Variants in WNT5A observed in about 807,000 individuals in gnomAD.
WNT5A encodes protein Wnt-5a.
In WNT5A, 9 loss-of-function variants were observed where a neutral mutation model predicts 42.1. That is an observed-to-expected ratio of 0.21 (90% confidence interval 0.13 to 0.37). The LOEUF (loss-of-function observed/expected upper bound fraction) is 0.37. WNT5A is among the 10% of genes least tolerant of loss of function. The pLI, the probability that WNT5A is intolerant of heterozygous loss-of-function variation, is 1.00. For synonymous variants in WNT5A, 210 were observed against 210.0 expected (o/e 1.00, Z 0.00); for missense variants, 426 against 534.0 (o/e 0.80, Z 1.99).
intron 1 of WNT5A, 106 bp from the exon 2 acceptor site, chr3:55,481,024 T>C: frequency 8.5e-7 from 1 of 1,182,194 alleles, no homozygotes; most frequent in Non-Finnish European, 1.1e-6. Context: ...TTACTGTTGA[T>C]TGACTGCGCT....
At position 55,486,988 on chromosome 3, in the gene WNT5A, C is replaced by A. The variant is rs1392357332; in HGVS notation, c.-3G>T. On this transcript the variant is annotated 5_prime_UTR_variant, in exon 1 of 5. Coordinates refer to ENST00000264634, the MANE Select transcript of WNT5A (RefSeq NM_003392.7). ...GCGCACTGAACACCTACCTTCATGG[C>A]GAGGGGGAGGGGGCGCGGGGAGGAA... The A allele has an allele frequency of 6.3e-7, 1 of 1,593,112 alleles. No homozygotes were observed. Among genetic ancestry groups the A allele is most frequent in the Non-Finnish European group, 8.6e-7 (1 of 1,168,164 alleles).
chr3:55,502,184 G>C, the WNT5A span, among the ~76,000 whole-genome samples: 3 of 152,062 alleles, frequency 2.0e-5, no homozygotes, highest in African/African-American at 7.2e-5. Context: ...AGGAGATTTG[G>C]GACTGGTCAC....
At chr3:55,472,558 T>C (rs2051273452) in intron 4 of WNT5A, among the ~76,000 whole-genome samples, 1 of 152,078 alleles carries the variant, frequency 6.6e-6, no homozygotes, top group Admixed American at 6.5e-5. Flanking sequence ...CAAATTTTCA[T>C]GTGGCTCTGG....
upstream of WNT5A, chr3:55,487,845 T>C (rs550975078): frequency 6.6e-6 from 1 of 152,104 alleles, no homozygotes; most frequent in African/African-American, 2.4e-5. Context: ...GGGAGCAAAA[T>C]AGGTGAAAGT....
At chr3:55,489,413 T>C (rs1042633988), upstream of WNT5A, 2 of 152,748 alleles carry the variant, frequency 1.3e-5, no homozygotes, top group East Asian at 1.9e-4. Flanking sequence ...GCTGTTTTGT[T>C]TTGTTCCTCC....
At chr3:55,477,502 G>A (rs1478840233) in intron 3 of WNT5A, among the ~76,000 whole-genome samples, 13 of 152,206 alleles carry the variant, frequency 8.5e-5, no homozygotes. Context: ...CTGTCTCAGA[G>A]GGTGTGGAGA....
chr3:55,483,113 A>T lies in WNT5A; in HGVS notation c.7-2195T>A, dbSNP rs911249073. 6.6e-6 allele frequency among the ~76,000 whole-genome samples: 1 copy of T among 152,186 alleles called. No homozygotes were observed. Among genetic ancestry groups the T allele is most frequent in the African/African-American group, 2.4e-5 (1 of 41,436 alleles). ...CTCTTTGTTAGAGCCGAAGCCACAC[A>T]AACCGAACCCACTCCCAGCCCGAAG... On this transcript the variant is annotated intron_variant, in intron 1 of 4. Coordinates refer to ENST00000264634, the MANE Select transcript of WNT5A (RefSeq NM_003392.7). This position sits in a 1 kb window ranked among gnomAD's most constrained non-coding sequence, Gnocchi z 4.2.
the WNT5A span, among the ~76,000 whole-genome samples, chr3:55,503,483 T>A: frequency 6.6e-6 from 1 of 152,032 alleles, no homozygotes; most frequent in Non-Finnish European, 1.5e-5. Context: ...TGCTGTGGAG[T>A]CAGGATTTTA....
the WNT5A span, among the ~76,000 whole-genome samples, chr3:55,501,226 C>G: frequency 6.6e-6 from 1 of 152,200 alleles, no homozygotes; most frequent in Non-Finnish European, 1.5e-5. Context: ...ATGCCCTCCT[C>G]CTTAAATGAC....
intron 4 of WNT5A, among the ~76,000 whole-genome samples, chr3:55,471,793 T>A (rs1358164693): frequency 6.6e-6 from 1 of 152,058 alleles, no homozygotes; most frequent in South Asian, 2.1e-4. Flanking sequence ...CCCTCCAGAG[T>A]CCACGTGGTG....
chr3:55,494,730 C>A (rs902316698), upstream of WNT5A, among the ~76,000 whole-genome samples: 1 of 152,022 alleles, frequency 6.6e-6, no homozygotes, highest in East Asian at 1.9e-4. Context: ...GTACAGACAG[C>A]GTTTCACCAT....
At chr3:55,486,696 C>T (rs777283474) in intron 1 of WNT5A, among the ~76,000 whole-genome samples, 2 of 152,224 alleles carry the variant, frequency 1.3e-5, no homozygotes, top group African/African-American at 4.8e-5. Flanking sequence ...GTCAGTGAAC[C>T]GCACTCAGTT....
chr3:55,495,509 A>G (rs1479899417), upstream of WNT5A, among the ~76,000 whole-genome samples: 8 of 152,172 alleles, frequency 5.3e-5, 1 homozygote, highest in Admixed American at 3.3e-4. Context: ...GTCTCAAATG[A>G]TAAGATTTTC....
rs2051132369 is a variant in WNT5A, at chr3:55,465,771, A to C, written c.*4321T>G. The C allele has an allele frequency of 1.3e-5, 2 of 152,198 alleles. No homozygotes were observed. Among genetic ancestry groups the C allele is most frequent in the African/African-American group, 4.8e-5 (2 of 41,446 alleles). The allele number at this position is 152,198 out of a possible 1,614,324, so 9.4% of individuals were successfully genotyped here. On this transcript the variant is annotated 3_prime_UTR_variant, in exon 5 of 5. Transcript: ENST00000264634. Reference sequence around the variant, plus strand: ...TACAAGATATGAACAAAAATAAATAATCTTTATCTCATTTCTAGCCCAGCA... The same window carrying C: ...TACAAGATATGAACAAAAATAAATACTCTTTATCTCATTTCTAGCCCAGCA...
At chr3:55,494,253 G>A (rs190167492), upstream of WNT5A, among the ~76,000 whole-genome samples, 1 of 152,208 alleles carries the variant, frequency 6.6e-6, no homozygotes, top group Non-Finnish European at 1.5e-5. Context: ...AATCTGATTT[G>A]ACTGTTCTCA....
At chr3:55,491,588 C>T (rs1451758921), upstream of WNT5A, among the ~76,000 whole-genome samples, 2 of 152,228 alleles carry the variant, frequency 1.3e-5, no homozygotes, top group Admixed American at 1.3e-4. Flanking sequence ...CAGGGGAAAG[C>T]AGGGCCTGGG....
rs1015298586 is a variant in WNT5A at position 55,487,038 on chromosome 3, G to C, written c.-53C>G. On this transcript the variant is annotated 5_prime_UTR_variant, in exon 1 of 5. Transcript: ENST00000264634. ...AGTCGCCACCCGAGCGAGCGCAGCC[G>C]AGGAATCCGAGCGGAGCGACCGGGT... is the stretch of plus-strand genomic sequence containing the variant. The C allele has an allele frequency of 2.5e-6, 4 of 1,593,576 alleles. No homozygotes were observed. In the East Asian group the frequency reaches 6.7e-5, roughly 27 times the overall value.
intron 4 of WNT5A, among the ~76,000 whole-genome samples, chr3:55,471,948 A>G (rs569376179): frequency 7.2e-5 from 11 of 152,336 alleles, no homozygotes; most frequent in Admixed American, 7.2e-4. Flanking sequence ...CTTGGCATAA[A>G]GAGTTTCAGG....
At position 55,474,385 on chromosome 3, in the gene WNT5A, C is replaced by G. The variant is rs760747132; in HGVS notation, c.636G>C (p.Glu212Asp). ...GCAGGTTCATGAGGATGCGAGCACT[C>G]TCGTAGGAGCCCTTGGCGTGGATGC... ...RERIHAKGSY[E>D]SARILMNLHN... The change falls in exon 4 of 5, where the codon GAG becomes GAC. Residue 212 changes from glutamate (E) to aspartate (D), a missense_variant. By Grantham distance (45) the Glu-to-Asp change is conservative (BLOSUM62 2). Transcript: ENST00000264634. 14 of 1,612,812 alleles carry G rather than the reference C, an allele frequency of 8.7e-6. No homozygotes were observed. The highest frequency in any genetic ancestry group is 4.0e-5 in the African/African-American group (3 of 74,920).
Sources: allele counts gnomAD v4.1 joint callset (sites outside exome capture counted in the v4.1 genomes callset), GRCh38; gene constraint gnomAD v4.1.1; non-coding constraint Gnocchi (gnomAD v3.1); transcripts MANE v1.5; gene names NCBI Gene and HGNC (gene_info 2026-07-23, HGNC 2026-07-21).